P3H3: variants seen among roughly 807,000 people sequenced by gnomAD.
P3H3 encodes prolyl 3-hydroxylase 3, also known as gene rich cluster, B.
A neutral mutation model predicts 78.1 loss-of-function variants in P3H3; 64 were observed. The ratio of observed to expected loss-of-function variants is 0.82; its 90% CI spans 0.67 to 1.01. P3H3 has a LOEUF of 1.01. Ranked by LOEUF, P3H3 falls within the 50% of genes least tolerant of loss-of-function variation. P3H3 has a pLI of 0.00. For missense variants in P3H3, 975 were observed against 982.2 expected (o/e 0.99, Z 0.10); for synonymous variants, 425 against 416.7 (o/e 1.02, Z -0.24).
intron 9 of P3H3, among the ~76,000 whole-genome samples, chr12:6,836,173 G>C (rs1314043182): frequency 1.3e-5 from 2 of 149,916 alleles, no homozygotes; most frequent in Non-Finnish European, 3.0e-5. Flanking sequence ...AGTGAGCTAT[G>C]ATGGCGCCAC....
In P3H3 at chr12:6,839,488, T is replaced by C; in HGVS notation, c.*27T>C. The C allele has an allele frequency of 2.6e-6, 4 of 1,545,440 alleles. No homozygotes were observed. The highest frequency in any genetic ancestry group is 3.5e-6 in the Non-Finnish European group (4 of 1,144,136). The stretch of plus-strand genomic sequence containing the variant: ...TGGCTGAGCCAGCTCCTTGAGGATG[T>C]GGCCACTTGACTTGTGGAAGGCCAT... On this transcript the variant is annotated 3_prime_UTR_variant, in exon 15 of 15. Transcript: ENST00000290510.
chr12:6,835,523 G>T (rs554575445), intron 9 of P3H3, among the ~76,000 whole-genome samples: 2 of 152,002 alleles, frequency 1.3e-5, no homozygotes, highest in Non-Finnish European at 2.9e-5. Context: ...GGCGGAGGTC[G>T]CAGTGAGCCG....
chr12:6,828,808 A>C lies in P3H3; in HGVS notation c.368A>C (p.Asp123Ala). ...CTCCGTGCAGCGCTCCGCCGCGCAGACTGCCTGACCCAGTGCGCAGCACGG... is the reference window on the plus strand; with the variant it reads ...CTCCGTGCAGCGCTCCGCCGCGCAGCCTGCCTGACCCAGTGCGCAGCACGG... Reference protein sequence around the residue: ...QLLRAALRRADCLTQCAARRL... With the variant: ...QLLRAALRRAACLTQCAARRL... Residue 123 changes from aspartate to alanine, a missense_variant, in exon 1 of 15, where the codon GAC (aspartate) becomes GCC (alanine). By Grantham distance (126) the Asp-to-Ala change is moderately radical. Transcript: ENST00000290510. 1 of 1,234,642 alleles carries C rather than the reference A, an allele frequency of 8.1e-7. No individual in the cohort carries two copies. The highest frequency in any genetic ancestry group is 1.0e-6 in the Non-Finnish European group (1 of 989,126). The allele number at this position is 1,234,642 out of a possible 1,614,324, so 76.5% of individuals were successfully genotyped here.
intron 8 of P3H3, 34 bp from the exon 9 acceptor site, chr12:6,833,891 C>A: frequency 6.2e-7 from 1 of 1,613,962 alleles, no homozygotes; most frequent in South Asian, 1.1e-5. Flanking sequence ...TTAGGGGATG[C>A]TCAGCCCCCT....
At position 6,833,604 on chromosome 12, in the gene P3H3, C is replaced by G. The variant is rs1173067769; in HGVS notation, c.1225C>G (p.Pro409Ala). The change falls in exon 7 of 15, where the codon CCT (proline) becomes GCT (alanine). Residue 409 changes from proline to alanine, a missense_variant. Physicochemically the swap from Pro to Ala is conservative, Grantham distance 27. Transcript: ENST00000290510. Reference sequence around the variant, plus strand: ...TGGACTGTCGCAGGACCCCTGGACCCCTGCAGCTCTCATCCCTGAGGCACT... The same window carrying G: ...TGGACTGTCGCAGGACCCCTGGACCGCTGCAGCTCTCATCCCTGAGGCACT... ...TSFKDPDPWT[P>A]AALIPEALRE... 7 of 1,613,796 alleles carry G rather than the reference C, an allele frequency of 4.3e-6. No homozygotes were observed. In the Admixed American group the frequency reaches 1.2e-4, roughly 27 times the overall value.
At position 6,828,590 on chromosome 12, in the gene P3H3, C is replaced by G. The variant is rs1555120799; in HGVS notation, c.150C>G (p.Ala50=). Residue 50 remains alanine, a synonymous_variant, in exon 1 of 15, where the codon GCC becomes GCG. Coordinates refer to ENST00000290510, the MANE Select transcript of P3H3 (RefSeq NM_014262.5). ...CTGACGGGCTGCGCGCCTACGCGGC[C>G]GGGGCTTGGGCGCCGGCCGTGGCGC... ...LYADGLRAYA[A]GAWAPAVALL... 7 of 1,224,196 alleles carry G rather than the reference C, an allele frequency of 5.7e-6. No homozygotes were observed. Among genetic ancestry groups the G allele is most frequent in the Middle Eastern group, 3.1e-4 (1 of 3,188 alleles). The allele number at this position is 1,224,196 out of a possible 1,614,324, so 75.8% of individuals were successfully genotyped here.
chr12:6,828,449 G>C lies in P3H3; in HGVS notation c.9G>C (p.Arg3=), dbSNP rs1943404320. Residue 3 remains arginine, a synonymous_variant, in exon 1 of 15, where the codon CGG becomes CGC. Transcript: ENST00000290510. ML[R]LLRPLLLLLL... is the part of the protein sequence containing the mutation. ...CCGGCGGCTCCGACATCATGCTCCG[G>C]CTCCTCCGGCCGCTGCTGCTACTGC... The C allele has an allele frequency of 5.2e-6, 5 of 952,692 alleles. No individual in the cohort carries two copies. Among genetic ancestry groups the C allele is most frequent in the Non-Finnish European group, 7.6e-6 (5 of 662,140 alleles). The allele number at this position is 952,692 out of a possible 1,614,324, so 59.0% of individuals were successfully genotyped here.
chr12:6,831,858 G>C lies in P3H3; in HGVS notation c.1156G>C (p.Glu386Gln). ...IQRFILRSLG[E>Q]KRQLYYAMEH... ...GCGCTTCATCCTCCGATCCCTGGGG[G>C]AGAAGAGGCAGCTCTACTATGCCAT... The change falls in exon 6 of 15, where the codon GAG (glutamate) becomes CAG (glutamine). Residue 386 changes from glutamate to glutamine, a missense_variant. Transcript: ENST00000290510. The surrounding 1 kb of genome is among the most constrained non-coding windows in gnomAD (Gnocchi z 4.6). The C allele has an allele frequency of 1.9e-6, 3 of 1,608,958 alleles. No homozygotes were observed. The highest frequency in any genetic ancestry group is 2.5e-6 in the Non-Finnish European group (3 of 1,177,088).
intron 9 of P3H3, chr12:6,835,105 G>C (rs12304586): frequency 0.19 from 28,443 of 152,174 alleles, 2,918 homozygotes; most frequent in East Asian, 0.36. Context: ...GGGAACTGCA[G>C]TCAAGCACAG....
intron 6 of P3H3, among the ~76,000 whole-genome samples, chr12:6,832,675 C>T (rs1429509230): frequency 2.6e-5 from 4 of 151,952 alleles, no homozygotes; most frequent in African/African-American, 9.7e-5. Flanking sequence ...GATCTTGGCT[C>T]ACTGCAACCT....
At position 6,829,401 on chromosome 12, in the gene P3H3, G is replaced by A; in HGVS notation, c.499-458G>A. 1 of 235,190 alleles carries A rather than the reference G, an allele frequency of 4.3e-6. No individual in the cohort carries two copies. The highest frequency in any genetic ancestry group is 5.9e-5 in the South Asian group (1 of 16,838). 14.6% of individuals were successfully genotyped at this position (235,190 alleles called of 1,614,324 possible). A position where few individuals can be genotyped will look rare whatever the true frequency, so the allele number is the denominator to read the frequency against. On this transcript the variant is annotated intron_variant, in intron 1 of 14. Coordinates refer to ENST00000290510, the MANE Select transcript of P3H3 (RefSeq NM_014262.5). The surrounding 1 kb of genome is among the most constrained non-coding windows in gnomAD (Gnocchi z 5.1). ...GGTCCTCCGAGGCCAGACCTCTGCG[G>A]GCGGGGAGGGGACAGCACGCCGCAG...
intron 4 of P3H3, 81 bp downstream of exon 4, chr12:6,830,851 T>C (rs1943443627): frequency 1.9e-6 from 3 of 1,573,578 alleles, no homozygotes; most frequent in Non-Finnish European, 2.6e-6. Flanking sequence ...ATCCCTCCCA[T>C]CTGTCTCTGG....
intron 10 of P3H3, 118 bp downstream of exon 10, chr12:6,837,204 C>A: frequency 1.0e-6 from 1 of 999,714 alleles, no homozygotes; most frequent in Non-Finnish European, 1.5e-6. Context: ...ACCGAGACTA[C>A]CTGATAGGAC....
At chr12:6,838,230 T>A (rs782066782) in intron 13 of P3H3, among the ~76,000 whole-genome samples, 197 bp downstream of exon 13, 5 of 152,266 alleles carry the variant, frequency 3.3e-5, no homozygotes, top group African/African-American at 1.2e-4. Context: ...ACCATCAGTA[T>A]TTGTCTCGCC....
In P3H3 at chr12:6,833,779, G is replaced by C; in HGVS notation, c.1303G>C (p.Val435Leu). Residue 435 changes from valine to leucine, a missense_variant, in exon 8 of 15, where the codon GTG becomes CTG. Val to Leu is a conservative substitution (Grantham distance 32). Transcript: ENST00000290510. Reference protein sequence around the residue: ...QEKRPWDHEPVKPKPLTYWKD... With the variant: ...QEKRPWDHEPLKPKPLTYWKD... The stretch of plus-strand genomic sequence containing the variant: ...GAAGAGGCCTTGGGACCATGAGCCC[G>C]TGAAGCCAAAGCCCTTGACCTACTG... 6.2e-7 allele frequency: 1 copy of C among 1,611,870 alleles called. No homozygotes were observed.
intron 6 of P3H3, among the ~76,000 whole-genome samples, chr12:6,832,421 G>T (rs782022251): frequency 1.3e-5 from 2 of 152,196 alleles, no homozygotes; most frequent in East Asian, 3.9e-4. Flanking sequence ...CCTGTCCTAT[G>T]CCTTGGAGGG....
At position 6,833,321 on chromosome 12, in the gene P3H3, T is replaced by C. The variant is rs782805339; in HGVS notation, c.1213-271T>C. 3 of 500,930 alleles carry C rather than the reference T, an allele frequency of 6.0e-6. No individual in the cohort carries two copies. The South Asian group carries it at 7.4e-5, about 12-fold the overall frequency. 31.0% of individuals were successfully genotyped at this position (500,930 alleles called of 1,614,324 possible). A position where few individuals can be genotyped will look rare whatever the true frequency, so the allele number is the denominator to read the frequency against. Reference sequence around the variant, plus strand: ...ACTTTAATATTCTGTTTCATGAGACTGTTGTGAACTTTAAAGGATAAATTC... The same window carrying C: ...ACTTTAATATTCTGTTTCATGAGACCGTTGTGAACTTTAAAGGATAAATTC... On this transcript the variant is annotated intron_variant, in intron 6 of 14. Transcript: ENST00000290510.
In P3H3 at chr12:6,828,625, AGGCGCTGCGGAGCCAGGC is replaced by A; in HGVS notation, c.193_210del (p.Arg65_Leu70del). The A allele has an allele frequency of 8.2e-7, 1 of 1,215,052 alleles. No individual in the cohort carries two copies. Among genetic ancestry groups the A allele is most frequent in the Non-Finnish European group, 1.0e-6 (1 of 977,946 alleles). The allele number at this position is 1,215,052 out of a possible 1,614,324, so 75.3% of individuals were successfully genotyped here. On this transcript the variant is annotated inframe_deletion, in exon 1 of 15. Coordinates refer to ENST00000290510, the MANE Select transcript of P3H3 (RefSeq NM_014262.5). ...GCGCCGGCCGTGGCGCTGCTGCGGG[AGGCGCTGCGGAGCCAGGC>A]GGCGCTGGGCCGGGTGCGGCTGGAT...
Position 6,828,716 on chromosome 12 carries a change from G to T in P3H3, c.276G>T (p.Val92=). 1 of 1,246,454 alleles carries T rather than the reference G, an allele frequency of 8.0e-7. No homozygotes were observed. Among genetic ancestry groups the T allele is most frequent in the Non-Finnish European group, 1.0e-6 (1 of 996,182 alleles). The allele number at this position is 1,246,454 out of a possible 1,614,324, so 77.2% of individuals were successfully genotyped here. ...AADPGAALPA[V]LLGAPEPDSG... ...ATCCGGGCGCCGCGCTCCCCGCCGT[G>T]CTTCTCGGGGCCCCGGAGCCCGACT... Residue 92 remains valine, a synonymous_variant, in exon 1 of 15, where the codon GTG becomes GTT. Transcript: ENST00000290510.
Sources: allele counts gnomAD v4.1 joint callset (sites outside exome capture counted in the v4.1 genomes callset), GRCh38; gene constraint gnomAD v4.1.1; non-coding constraint Gnocchi (gnomAD v3.1); transcripts MANE v1.5; gene names NCBI Gene and HGNC (gene_info 2026-07-23, HGNC 2026-07-21).